The following RASGEF1C variants were observed in gnomAD, a reference collection of about 807,000 sequenced individuals.
RASGEF1C encodes the protein ras-GEF domain-containing family member 1C.
RASGEF1C carries 27 observed loss-of-function variants against 58.1 expected under a neutral mutation model. The ratio of observed to expected loss-of-function variants is 0.46; its 90% CI spans 0.34 to 0.64. RASGEF1C has a LOEUF of 0.64. RASGEF1C is among the 30% of genes least tolerant of loss of function. The probability of loss-of-function intolerance (pLI) is 0.01; values close to 1 mark genes in which losing one functional copy is unlikely to be tolerated. For missense variants in RASGEF1C, 502 were observed against 605.1 expected, an observed-to-expected ratio of 0.83 and a Z score of 1.79; for synonymous variants, 243 against 246.3, an observed-to-expected ratio of 0.99 and a Z score of 0.13.
intron 4 of RASGEF1C, among the ~76,000 whole-genome samples, chr5:180,131,113 G>A (rs923803539): frequency 7.2e-5 from 11 of 152,070 alleles, no homozygotes; most frequent in African/African-American, 2.4e-4. Context: ...CCTTCTTAAT[G>A]CCCCCAATGC....
chr5:180,173,989 G>T (rs1202534318), intron 1 of RASGEF1C, among the ~76,000 whole-genome samples: 4 of 151,724 alleles, frequency 2.6e-5, no homozygotes, highest in Admixed American at 1.3e-4. Flanking sequence ...CTCAGGGGTT[G>T]GGGGGCCCAG....
intron 11 of RASGEF1C, among the ~76,000 whole-genome samples, chr5:180,111,951 A>C (rs912017802): frequency 2.6e-5 from 4 of 152,218 alleles, no homozygotes; most frequent in African/African-American, 4.8e-5. Flanking sequence ...TAATTTTTAA[A>C]AAAGGTGCCA....
intron 1 of RASGEF1C, among the ~76,000 whole-genome samples, chr5:180,139,862 G>A (rs10903249): frequency 0.93 from 141,973 of 152,072 alleles, 67,089 homozygotes; most frequent in East Asian, 1. Flanking sequence ...CTGTGAGCCT[G>A]GGAGGTCCGT....
intron 1 of RASGEF1C, among the ~76,000 whole-genome samples, chr5:180,144,267 T>C (rs1766631263): frequency 6.6e-6 from 1 of 152,156 alleles, no homozygotes; most frequent in African/African-American, 2.4e-5. Flanking sequence ...ACCCTCTACC[T>C]GCCCATCCAG....
At chr5:180,159,458 A>C (rs1448019103) in intron 1 of RASGEF1C, among the ~76,000 whole-genome samples, 1 of 152,082 alleles carries the variant, frequency 6.6e-6, no homozygotes, top group African/African-American at 2.4e-5. Flanking sequence ...TTTTATTTAA[A>C]GTTTTCTTCT....
At chr5:180,105,380 G>A (rs573238630) in intron 12 of RASGEF1C, among the ~76,000 whole-genome samples, 1 of 151,604 alleles carries the variant, frequency 6.6e-6, no homozygotes, top group African/African-American at 2.4e-5. Context: ...GGCTAACACG[G>A]TGAAACCCCG....
chr5:180,113,591 G>A (rs1321782015), intron 11 of RASGEF1C, among the ~76,000 whole-genome samples: 2 of 88,340 alleles, frequency 2.3e-5, no homozygotes, highest in African/African-American at 5.1e-5. Flanking sequence ...CGGAGGGATC[G>A]GGGATGGACG....
At chr5:180,145,319 C>T (rs1766646545) in intron 1 of RASGEF1C, among the ~76,000 whole-genome samples, 2 of 152,112 alleles carry the variant, frequency 1.3e-5, no homozygotes, top group Admixed American at 6.5e-5. Flanking sequence ...TGGGGTTTCA[C>T]CATGTTGGCC....
chr5:180,181,860 T>C (rs1767334826), intron 1 of RASGEF1C, among the ~76,000 whole-genome samples: 1 of 152,128 alleles, frequency 6.6e-6, no homozygotes, highest in South Asian at 2.1e-4. Context: ...AGCAGCACAC[T>C]ATTGAGACCA....
At position 180,197,314 on chromosome 5, in the gene RASGEF1C, G is replaced by A. The variant is rs1376542967; in HGVS notation, c.-7+11714C>T. Among the ~76,000 whole-genome samples, 8 of 152,334 alleles carry A rather than the reference G, an allele frequency of 5.3e-5. No individual in the cohort carries two copies. In the South Asian group the frequency reaches 6.2e-4, roughly 12 times the overall value. Reference sequence around the variant, plus strand: ...TGGGACGGCAGGGGGAAGCAATGGCGGGATCCAGGGTGCTGCTCAGGGCAG... The same window carrying A: ...TGGGACGGCAGGGGGAAGCAATGGCAGGATCCAGGGTGCTGCTCAGGGCAG... On this transcript the variant is annotated intron_variant, in intron 1 of 13. Coordinates refer to ENST00000361132, the MANE Select transcript of RASGEF1C (RefSeq NM_175062.4). This position sits in a 1 kb window ranked among gnomAD's most constrained non-coding sequence, Gnocchi z 4.7.
At chr5:180,123,789 T>A (rs922014922) in intron 6 of RASGEF1C, among the ~76,000 whole-genome samples, 1 of 151,932 alleles carries the variant, frequency 6.6e-6, no homozygotes, top group African/African-American at 2.4e-5. Context: ...TTTGAAAACA[T>A]TAATAAAATT....
chr5:180,190,077 A>G (rs1756119565), intron 1 of RASGEF1C, among the ~76,000 whole-genome samples: 1 of 151,290 alleles, frequency 6.6e-6, no homozygotes, highest in Non-Finnish European at 1.5e-5. Flanking sequence ...GGCCAGGCGC[A>G]GTGGCTCCTG....
rs1756558005 is a variant in RASGEF1C, at chr5:180,209,196, G to A, written c.-175C>T. 6.8e-6 allele frequency: 1 copy of A among 147,096 alleles called. No individual in the cohort carries two copies. Among genetic ancestry groups the A allele is most frequent in the Non-Finnish European group, 1.5e-5 (1 of 66,050 alleles). 9.1% of individuals were successfully genotyped at this position (147,096 alleles called of 1,614,324 possible). On this transcript the variant is annotated 5_prime_UTR_variant, in exon 1 of 14. Coordinates refer to ENST00000361132, the MANE Select transcript of RASGEF1C (RefSeq NM_175062.4). The stretch of plus-strand genomic sequence containing the variant: ...GCAGCCCGCACGAGCGCCTGGCGGC[G>A]GCCCCGGAGCAACGCGGCGCTGCGC...
intron 1 of RASGEF1C, among the ~76,000 whole-genome samples, chr5:180,169,641 A>G (rs1475730463): frequency 6.6e-6 from 1 of 151,800 alleles, no homozygotes; most frequent in East Asian, 1.9e-4. Context: ...AGTTTTCCCT[A>G]TGCACAACAA....
At chr5:180,142,590 G>A (rs1766597724) in intron 1 of RASGEF1C, among the ~76,000 whole-genome samples, 1 of 152,164 alleles carries the variant, frequency 6.6e-6, no homozygotes, top group Admixed American at 6.5e-5. Context: ...GGACGGGGAG[G>A]TGCACAGACG....
chr5:180,164,071 G>A (rs1766984956), intron 1 of RASGEF1C, among the ~76,000 whole-genome samples: 1 of 152,066 alleles, frequency 6.6e-6, no homozygotes, highest in Non-Finnish European at 1.5e-5. Context: ...CAGATCTCTC[G>A]TGATATCCCC....
chr5:180,111,912 T>C (rs551172935), intron 11 of RASGEF1C, among the ~76,000 whole-genome samples: 24 of 152,358 alleles, frequency 1.6e-4, no homozygotes, highest in African/African-American at 5.8e-4. Flanking sequence ...AGTGTGATTT[T>C]ATTTAAGTAA....
intron 4 of RASGEF1C, among the ~76,000 whole-genome samples, chr5:180,129,638 A>C (rs1015494284): frequency 2.6e-5 from 4 of 152,186 alleles, no homozygotes; most frequent in African/African-American, 4.8e-5. Context: ...CAATCTCTGA[A>C]GTGACCTGAT....
chr5:180,137,488 AAACGGGG>A lies in RASGEF1C; in HGVS notation c.300+95_300+101del. On this transcript the variant is annotated intron_variant, in intron 3 of 13. Transcript: ENST00000361132. This position sits in a 1 kb window ranked among gnomAD's most constrained non-coding sequence, Gnocchi z 4.1. ...ACACCCGGTAGCCACCTTGTCAGGA[AAACGGGG>A]ACAATCATTGCCTCCCCGAGAGGCT... The A allele has an allele frequency of 6.7e-7, 1 of 1,489,478 alleles. No homozygotes were observed. The highest frequency in any genetic ancestry group is 2.5e-5 in the East Asian group (1 of 40,602). The allele number at this position is 1,489,478 out of a possible 1,614,324, so 92.3% of individuals were successfully genotyped here.
Sources: gnomAD v4.1 joint callset for allele counts (sites outside exome capture counted in the v4.1 genomes callset) on GRCh38, gnomAD v4.1.1 for gene constraint, Gnocchi (gnomAD v3.1) non-coding constraint, MANE v1.5 for transcripts, NCBI Gene and HGNC (gene_info 2026-07-23, HGNC 2026-07-21) for gene names.